HYAL4: variants seen among roughly 807,000 people sequenced by gnomAD.
HYAL4 encodes the protein hyaluronidase 4, also known as hyaluronidase-4.
Under a neutral mutation model 35.2 loss-of-function variants are expected in HYAL4, and 37 were observed. The observed-to-expected ratio is 1.05, with a 90% CI of 0.81 to 1.38. The LOEUF (loss-of-function observed/expected upper bound fraction) is 1.38. Among genes scored for constraint, HYAL4 ranks in the 40% most tolerant of loss-of-function variants. HYAL4 has a pLI of 0.00. For synonymous variants in HYAL4, 198 were observed against 203.2 expected, an observed-to-expected ratio of 0.97 and a Z score of 0.22; for missense variants, 572 against 572.4, an observed-to-expected ratio of 1.00 and a Z score of 0.01.
At chr7:123,778,916 T>G in the HYAL4 span, among the ~76,000 whole-genome samples, 1 of 152,198 alleles carries the variant, frequency 6.6e-6, no homozygotes, top group Non-Finnish European at 1.5e-5. Flanking sequence ...TTGCAACAGT[T>G]TAAATGCCAA....
intron 1 of HYAL4, among the ~76,000 whole-genome samples, chr7:123,833,758 T>C (rs1470181904): frequency 6.6e-6 from 1 of 152,210 alleles, no homozygotes; most frequent in Non-Finnish European, 1.5e-5. Flanking sequence ...AGTTGATTTT[T>C]GTATAATGTG....
At chr7:123,787,636 C>A in the HYAL4 span, among the ~76,000 whole-genome samples, 1 of 152,200 alleles carries the variant, frequency 6.6e-6, no homozygotes, top group Admixed American at 6.5e-5. Context: ...ATGGCCCAGT[C>A]AACCCCATCA....
chr7:123,789,737 T>C, the HYAL4 span, among the ~76,000 whole-genome samples: 4 of 152,164 alleles, frequency 2.6e-5, no homozygotes, highest in African/African-American at 9.6e-5. Context: ...TCCTGAGAAA[T>C]AGAACCAATA....
the HYAL4 span, among the ~76,000 whole-genome samples, chr7:123,771,327 G>A: frequency 6.6e-6 from 1 of 152,096 alleles, no homozygotes; most frequent in Non-Finnish European, 1.5e-5. Context: ...TGCAAAATGA[G>A]GGATACAGAT....
chr7:123,811,332 C>T, the HYAL4 span, among the ~76,000 whole-genome samples: 1 of 152,184 alleles, frequency 6.6e-6, no homozygotes, highest in African/African-American at 2.4e-5. Context: ...TTTCCTGTTG[C>T]TACACATCCT....
the HYAL4 span, among the ~76,000 whole-genome samples, chr7:123,792,066 A>G: frequency 6.6e-6 from 1 of 152,046 alleles, no homozygotes; most frequent in Non-Finnish European, 1.5e-5. Flanking sequence ...AGCCCTATGA[A>G]CTCTCACTCT....
chr7:123,808,418 C>CGTGTGTGT, the HYAL4 span, among the ~76,000 whole-genome samples: 171 of 142,694 alleles, frequency 1.2e-3, 1 homozygote, highest in African/African-American at 3.7e-3. Flanking sequence ...TGTATCATCA[C>CGTGTGTGT]GTGTGTGTGT....
At chr7:123,836,528 C>T (rs1001647110) in intron 1 of HYAL4, among the ~76,000 whole-genome samples, 3 of 152,136 alleles carry the variant, frequency 2.0e-5, no homozygotes, top group Admixed American at 2.0e-4. Context: ...AAAATCTTAT[C>T]CATTCTGCAA....
chr7:123,818,492 T>C, the HYAL4 span, among the ~76,000 whole-genome samples: 1 of 152,212 alleles, frequency 6.6e-6, no homozygotes, highest in Non-Finnish European at 1.5e-5. Flanking sequence ...CCATGAAGTA[T>C]TAAGCACTTC....
chr7:123,852,871 A>C (rs1014217783), intron 2 of HYAL4, among the ~76,000 whole-genome samples: 1 of 152,184 alleles, frequency 6.6e-6, no homozygotes. Flanking sequence ...TTCCACAAGC[A>C]TGGAATATTT....
At chr7:123,807,865 A>G in the HYAL4 span, among the ~76,000 whole-genome samples, 3 of 150,982 alleles carry the variant, frequency 2.0e-5, no homozygotes, top group East Asian at 5.8e-4. Flanking sequence ...CTGAGTAGCT[A>G]AGACTTCAAG....
the HYAL4 span, among the ~76,000 whole-genome samples, chr7:123,784,688 A>G: frequency 6.7e-3 from 1,015 of 152,332 alleles, 7 homozygotes; most frequent in Non-Finnish European, 9.5e-3. Context: ...TTTTGCTACA[A>G]ATAAATTTGC....
intron 2 of HYAL4, among the ~76,000 whole-genome samples, chr7:123,857,733 C>CTTTCTTTCTTTCTTTA (rs1198587826): frequency 7.6e-5 from 11 of 144,288 alleles, no homozygotes; most frequent in African/African-American, 2.9e-4. Context: ...TTCTTTCTTT[C>CTTTCTTTCTTTCTTTA]AATAGAAACA....
At chr7:123,781,928 G>C in the HYAL4 span, among the ~76,000 whole-genome samples, 1 of 152,036 alleles carries the variant, frequency 6.6e-6, no homozygotes. Context: ...TTTCTTCGAG[G>C]TAGGGTTTCA....
chr7:123,856,503 T>C (rs1806440958), intron 2 of HYAL4, among the ~76,000 whole-genome samples: 1 of 152,220 alleles, frequency 6.6e-6, no homozygotes, highest in Non-Finnish European at 1.5e-5. Flanking sequence ...AGACCCTGTT[T>C]GCCTGGTATC....
chr7:123,810,207 G>A, the HYAL4 span, among the ~76,000 whole-genome samples: 1 of 152,126 alleles, frequency 6.6e-6, no homozygotes, highest in South Asian at 2.1e-4. Context: ...GGCTGCAAGA[G>A]AAGCAGCAAA....
upstream of HYAL4, among the ~76,000 whole-genome samples, chr7:123,841,814 G>C (rs956452139): frequency 2.6e-5 from 4 of 151,952 alleles, no homozygotes; most frequent in African/African-American, 7.2e-5. Flanking sequence ...ATGGTAGTTT[G>C]TATTTTGTAG....
chr7:123,868,524 G>A lies in HYAL4; in HGVS notation c.251G>A (p.Gly84Glu), dbSNP rs1806760128. 2.5e-6 allele frequency: 4 copies of A among 1,609,734 alleles called. No homozygotes were observed. The African/African-American group carries it at 4.0e-5, about 16-fold the overall frequency. The stretch of plus-strand genomic sequence containing the variant: ...GGAAGCCCACTGGCCAAGGCCAGGG[G>A]GCAAAATGTCACTATATTTTATGTC... ...VIGSPLAKAR[G>E]QNVTIFYVNR... The change falls in exon 3 of 5, where the codon GGG becomes GAG. Residue 84 changes from glycine to glutamate, a missense_variant. Gly to Glu is a moderately conservative substitution (Grantham distance 98, BLOSUM62 -2). Transcript: ENST00000223026.
At chr7:123,847,601 C>T (rs1251074455) in intron 1 of HYAL4, among the ~76,000 whole-genome samples, 1 of 152,028 alleles carries the variant, frequency 6.6e-6, no homozygotes, top group Non-Finnish European at 1.5e-5. Context: ...CACGGTGAAA[C>T]CCCGTCTCTA....
Sources: gnomAD v4.1 joint callset for allele counts (sites outside exome capture counted in the v4.1 genomes callset) on GRCh38, gnomAD v4.1.1 for gene constraint, MANE v1.5 for transcripts, NCBI Gene and HGNC (gene_info 2026-07-23, HGNC 2026-07-21) for gene names.